Variants in EYA1 observed in about 807,000 individuals in gnomAD.
The protein encoded by EYA1 is protein phosphatase EYA1.
Under a neutral mutation model 82.0 loss-of-function variants are expected in EYA1, and 16 were observed. That is an observed-to-expected ratio of 0.20 (90% CI 0.13 to 0.30). EYA1 has a LOEUF of 0.30. Among genes scored for constraint, EYA1 ranks in the 10% least tolerant of loss-of-function variants. EYA1 has a pLI of 1.00. For synonymous variants in EYA1, 261 were observed against 264.4 expected, an observed-to-expected ratio of 0.99 and a Z score of 0.12; for missense variants, 633 against 730.7, an observed-to-expected ratio of 0.87 and a Z score of 1.54.
At chr8:71,379,609 A>T (rs955336455) in intron 2 of EYA1, among the ~76,000 whole-genome samples, 1 of 152,216 alleles carries the variant, frequency 6.6e-6, no homozygotes. Flanking sequence ...TCACACCTGA[A>T]TTGTACATGA....
chr8:71,406,724 C>G (rs556881567), intron 2 of EYA1, among the ~76,000 whole-genome samples: 2 of 151,858 alleles, frequency 1.3e-5, no homozygotes, highest in African/African-American at 4.8e-5. Context: ...GAGGGTCCTA[C>G]GCCCACGGAA....
At chr8:71,503,256 G>C (rs1359352037) in intron 2 of EYA1, among the ~76,000 whole-genome samples, 1 of 152,140 alleles carries the variant, frequency 6.6e-6, no homozygotes, top group Non-Finnish European at 1.5e-5. Flanking sequence ...GGCACTTTGG[G>C]AGTCTGAGGC....
intron 1 of EYA1, among the ~76,000 whole-genome samples, chr8:71,537,657 G>A (rs1459415227): frequency 6.6e-6 from 1 of 152,146 alleles, no homozygotes; most frequent in Non-Finnish European, 1.5e-5. Context: ...GCAGGTCTAA[G>A]ACAAAGCCCC....
chr8:71,287,420 C>T (rs951701830), intron 9 of EYA1, among the ~76,000 whole-genome samples: 6 of 152,078 alleles, frequency 3.9e-5, no homozygotes, highest in African/African-American at 1.4e-4. Flanking sequence ...GCCATTATTC[C>T]CTGTTCACGC....
rs1240773177 is a variant in EYA1 at position 71,199,339 on chromosome 8, G to A, written c.*1C>T. ...GTGCGCTGTCAAAGTGCCGAGCGCTGTTACAGGTACTCCAGTTCCAAGGCA... is the reference window on the plus strand; with the variant it reads ...GTGCGCTGTCAAAGTGCCGAGCGCTATTACAGGTACTCCAGTTCCAAGGCA... On this transcript the variant is annotated 3_prime_UTR_variant, in exon 18 of 18. Coordinates refer to ENST00000340726, the MANE Select transcript of EYA1 (RefSeq NM_000503.6). The A allele has an allele frequency of 6.2e-7, 1 of 1,608,022 alleles. No homozygotes were observed. The highest frequency in any genetic ancestry group is 1.1e-5 in the South Asian group (1 of 90,540).
At position 71,381,146 on chromosome 8, in the gene EYA1, TC is replaced by T. The variant is rs555942997; in HGVS notation, c.34-24636del. On this transcript the variant is annotated intron_variant, in intron 2 of 18. Coordinates refer to the EYA1 transcript ENST00000643681. ...CAGGCCCTCCACAGTCTAGATCTGG[TC>T]CCCTTTTTCACTCTGGCCTGGGGTC... 6.6e-5 allele frequency among the ~76,000 whole-genome samples: 10 copies of T among 152,340 alleles called. No individual in the cohort carries two copies. The East Asian group carries it at 1.7e-3, about 26-fold the overall frequency.
chr8:71,538,392 G>A (rs1055515886), intron 1 of EYA1, among the ~76,000 whole-genome samples: 4 of 152,198 alleles, frequency 2.6e-5, no homozygotes, highest in Non-Finnish European at 5.9e-5. Flanking sequence ...ATAAATGAAT[G>A]AATGTTGTTG....
At chr8:71,244,227 A>G (rs1812808921) in intron 12 of EYA1, among the ~76,000 whole-genome samples, 1 of 152,238 alleles carries the variant, frequency 6.6e-6, no homozygotes, top group South Asian at 2.1e-4. Context: ...TAATACAGTA[A>G]GAGTCTGACA....
At chr8:71,498,971 A>AAATTT (rs1811615177) in intron 2 of EYA1, among the ~76,000 whole-genome samples, 1 of 152,184 alleles carries the variant, frequency 6.6e-6, no homozygotes, top group African/African-American at 2.4e-5. Context: ...GTGCTTGTTC[A>AAATTT]AATTTAATTT....
chr8:71,416,106 T>A (rs1424664046), intron 2 of EYA1, among the ~76,000 whole-genome samples: 3 of 152,168 alleles, frequency 2.0e-5, no homozygotes, highest in Non-Finnish European at 4.4e-5. Flanking sequence ...ACAGGCTACA[T>A]TTGGATTCAA....
chr8:71,539,932 C>T (rs994321805), intron 1 of EYA1, among the ~76,000 whole-genome samples: 1 of 152,112 alleles, frequency 6.6e-6, no homozygotes, highest in African/African-American at 2.4e-5. Context: ...CAAACATTTG[C>T]AAACATATAA....
At chr8:71,400,402 C>G (rs544700017) in intron 2 of EYA1, among the ~76,000 whole-genome samples, 38 of 151,736 alleles carry the variant, frequency 2.5e-4, no homozygotes, top group Non-Finnish European at 4.9e-4. Context: ...ACCAGTCTGA[C>G]AAAGGTCTAA....
intron 17 of EYA1, among the ~76,000 whole-genome samples, chr8:71,205,837 A>G (rs931770300): frequency 1.3e-5 from 2 of 152,202 alleles, no homozygotes; most frequent in Non-Finnish European, 1.5e-5. Flanking sequence ...GGGAAAGAAG[A>G]GCATGTTGTA....
At chr8:71,229,802 A>T (rs1810983841) in intron 12 of EYA1, among the ~76,000 whole-genome samples, 1 of 152,344 alleles carries the variant, frequency 6.6e-6, no homozygotes, top group South Asian at 2.1e-4. Flanking sequence ...GAAAAGGATG[A>T]TATCTTGGAC....
intron 17 of EYA1, among the ~76,000 whole-genome samples, chr8:71,210,029 A>C (rs1808307650): frequency 6.6e-6 from 1 of 152,170 alleles, no homozygotes; most frequent in Admixed American, 6.5e-5. Flanking sequence ...TATCTTTACT[A>C]TATCTAATCC....
At chr8:71,395,418 G>A (rs1829537803) in intron 2 of EYA1, among the ~76,000 whole-genome samples, 1 of 152,140 alleles carries the variant, frequency 6.6e-6, no homozygotes, top group African/African-American at 2.4e-5. Context: ...GTATGATATT[G>A]GCTGTGGGTT....
chr8:71,235,737 G>C (rs1326532121), intron 12 of EYA1, among the ~76,000 whole-genome samples: 1 of 152,096 alleles, frequency 6.6e-6, no homozygotes, highest in Non-Finnish European at 1.5e-5. Context: ...TCAATAAATA[G>C]GTATTGAATA....
At chr8:71,351,589 T>G (rs1826311081) in intron 3 of EYA1, among the ~76,000 whole-genome samples, 1 of 152,182 alleles carries the variant, frequency 6.6e-6, no homozygotes, top group South Asian at 2.1e-4. Flanking sequence ...GAACATTTCA[T>G]GTAGGAAATA....
At chr8:71,253,772 C>T (rs1404305312) in intron 11 of EYA1, among the ~76,000 whole-genome samples, 1 of 152,140 alleles carries the variant, frequency 6.6e-6, no homozygotes, top group Non-Finnish European at 1.5e-5. Context: ...GAATGTGGCA[C>T]CTGCCAGGTG....
Sources: allele counts gnomAD v4.1 joint callset (sites outside exome capture counted in the v4.1 genomes callset), GRCh38; gene constraint gnomAD v4.1.1; transcripts MANE v1.5; gene names NCBI Gene and HGNC (gene_info 2026-07-23, HGNC 2026-07-21).